Variants in EMP2 observed in about 807,000 individuals in gnomAD.
The protein encoded by EMP2 is epithelial membrane protein 2.
EMP2 carries 19 observed loss-of-function variants against 13.7 expected under a neutral mutation model. The observed-to-expected ratio is 1.38, with a 90% CI of 0.97 to 2.03. EMP2 has a LOEUF of 2.03. EMP2 is among the 30% of genes most tolerant of loss of function. EMP2 has a pLI of 0.00. For synonymous variants in EMP2, 97 were observed against 84.7 expected (o/e 1.15, Z -0.80); for missense variants, 253 against 220.7 (o/e 1.15, Z -0.93).
At chr16:10,550,350 A>C (rs1020172761) in intron 1 of EMP2, among the ~76,000 whole-genome samples, 1 of 152,214 alleles carries the variant, frequency 6.6e-6, no homozygotes, top group African/African-American at 2.4e-5. Context: ...CCAAGCTGAT[A>C]CACTGCATTT....
intron 1 of EMP2, among the ~76,000 whole-genome samples, chr16:10,554,411 T>G (rs1449198074): frequency 1.3e-5 from 2 of 152,118 alleles, no homozygotes; most frequent in Non-Finnish European, 2.9e-5. Flanking sequence ...CTGACATAAG[T>G]TGCCCCCAAG....
intron 1 of EMP2, among the ~76,000 whole-genome samples, chr16:10,564,442 G>A (rs2050893394): frequency 7.1e-6 from 1 of 141,116 alleles, no homozygotes; most frequent in South Asian, 2.3e-4. Context: ...AGTGAGCTGA[G>A]ATTGCGCCAC....
In EMP2 at chr16:10,532,185, T is replaced by TG. The variant is rs1203705520; in HGVS notation, c.*719_*720insC. 7.5e-6 allele frequency: 1 copy of TG among 133,030 alleles called. No homozygotes were observed. Among genetic ancestry groups the TG allele is most frequent in the Non-Finnish European group, 1.6e-5 (1 of 62,390 alleles). 8.2% of individuals were successfully genotyped at this position (133,030 alleles called of 1,614,324 possible). On this transcript the variant is annotated 3_prime_UTR_variant, in exon 5 of 5. Transcript: ENST00000359543. ...GGCCCCATCCCTTGAAGACTCTGATTCTGTAGGTCTGGGGTGAGGGGGGGG... is the reference window on the plus strand; with the variant it reads ...GGCCCCATCCCTTGAAGACTCTGATTGCTGTAGGTCTGGGGTGAGGGGGGGG...
In EMP2 at chr16:10,543,027, G is replaced by C. The variant is rs141631915; in HGVS notation, c.169+543C>G. ...CGCCCAGCTAATTTTTGTATTTTTA[G>C]TAGAGATGGGGTTTCGCCATATTGA... On this transcript the variant is annotated intron_variant, in intron 3 of 4. Transcript: ENST00000359543. Among the ~76,000 whole-genome samples, 190 of 152,284 alleles carry C rather than the reference G, an allele frequency of 1.2e-3. 1 individual carries two copies. The highest frequency in any genetic ancestry group is 4.3e-3 in the African/African-American group (179 of 41,558).
rs2050581751 is a variant in EMP2, at chr16:10,529,632, A to AC, written c.*3272dup. The AC allele has an allele frequency of 6.6e-6, 1 of 152,164 alleles. No individual in the cohort carries two copies. The highest frequency in any genetic ancestry group is 2.4e-5 in the African/African-American group (1 of 41,426). 9.4% of individuals were successfully genotyped at this position (152,164 alleles called of 1,614,324 possible). A position where few individuals can be genotyped will look rare whatever the true frequency, so the allele number is the denominator to read the frequency against. ...TGTTTTGTTTGTTTCCATCGTGACT[A>AC]CCAGAAAATTATAGAAGGCCAGACG... On this transcript the variant is annotated 3_prime_UTR_variant, in exon 5 of 5. Transcript: ENST00000359543.
At chr16:10,560,367 G>A (rs552528100) in intron 1 of EMP2, among the ~76,000 whole-genome samples, 2 of 152,212 alleles carry the variant, frequency 1.3e-5, no homozygotes, top group Non-Finnish European at 2.9e-5. Context: ...TGTCAGTGAG[G>A]GGACAGTCCT....
At chr16:10,561,913 G>C (rs962407374) in intron 1 of EMP2, among the ~76,000 whole-genome samples, 6 of 152,154 alleles carry the variant, frequency 3.9e-5, no homozygotes, top group African/African-American at 9.7e-5. Context: ...GAAAAAAAAG[G>C]GTTTATCCAG....
In EMP2 at chr16:10,576,017, G is replaced by C. The variant is rs142788362; in HGVS notation, c.-61+4532C>G. ...CATCTCCCCAAAAGCAGGCACTCTA[G>C]TACTCAGATTTTTGCCAAAAGCAAG... On this transcript the variant is annotated intron_variant, in intron 1 of 4. Transcript: ENST00000359543. Among the ~76,000 whole-genome samples the C allele has an allele frequency of 5.6e-3, 857 of 152,156 alleles. 8 individuals are homozygous for C. The highest frequency in any genetic ancestry group is 6.4e-3 in the Non-Finnish European group (436 of 67,996).
chr16:10,549,353 G>A (rs2050764417), intron 1 of EMP2, among the ~76,000 whole-genome samples: 1 of 152,162 alleles, frequency 6.6e-6, no homozygotes, highest in Admixed American at 6.5e-5. Flanking sequence ...TGTCTGAGCT[G>A]GAGAAGTTCC....
intron 1 of EMP2, among the ~76,000 whole-genome samples, chr16:10,564,152 T>C (rs1229403623): frequency 2.0e-5 from 3 of 152,182 alleles, no homozygotes; most frequent in Non-Finnish European, 4.4e-5. Flanking sequence ...ATCAGGCAGT[T>C]GCCATGGAAA....
intron 1 of EMP2, among the ~76,000 whole-genome samples, chr16:10,574,051 C>T (rs890517404): frequency 2.0e-5 from 3 of 146,630 alleles, no homozygotes; most frequent in Non-Finnish European, 4.5e-5. Context: ...GATTCTTGTG[C>T]CTCAGCCTCC....
intron 1 of EMP2, among the ~76,000 whole-genome samples, chr16:10,570,053 G>C (rs143387142): frequency 1.7e-3 from 253 of 151,550 alleles, no homozygotes; most frequent in African/African-American, 5.8e-3. Context: ...TGAGACACTG[G>C]GGATACATCG....
rs540943212 is a variant in EMP2, at chr16:10,580,413, C to G, written c.-61+136G>C. On this transcript the variant is annotated intron_variant, in intron 1 of 4. Transcript: ENST00000359543. The surrounding 1 kb of genome is among the most constrained non-coding windows in gnomAD (Gnocchi z 4.3). ...CGGCGGCATGGGTGGCACCTCGGCC[C>G]TCCCGTTACTGTCACCAATTCCGGG... 5 of 152,420 alleles carry G rather than the reference C, an allele frequency of 3.3e-5. No individual in the cohort carries two copies. Among genetic ancestry groups the G allele is most frequent in the African/African-American group, 1.2e-4 (5 of 41,592 alleles). 9.4% of individuals were successfully genotyped at this position (152,420 alleles called of 1,614,324 possible).
chr16:10,575,737 A>T (rs934791356), intron 1 of EMP2, among the ~76,000 whole-genome samples: 6 of 152,104 alleles, frequency 3.9e-5, no homozygotes, highest in African/African-American at 7.2e-5. Flanking sequence ...CAAACAAATC[A>T]AGCCACTTCC....
intron 1 of EMP2, among the ~76,000 whole-genome samples, chr16:10,570,714 A>AT (rs1227592446): frequency 2.0e-5 from 3 of 150,826 alleles, no homozygotes; most frequent in Admixed American, 6.6e-5. Flanking sequence ...TTTTTATTTT[A>AT]TTTTTTTGTA....
chr16:10,578,616 G>C (rs1431942225), intron 1 of EMP2, among the ~76,000 whole-genome samples: 1 of 152,174 alleles, frequency 6.6e-6, no homozygotes, highest in Non-Finnish European at 1.5e-5. Context: ...CTTCCGCCTG[G>C]CCCTGCCCTC....
intron 1 of EMP2, among the ~76,000 whole-genome samples, chr16:10,575,237 C>CATTTTTTT (rs2050975115): frequency 1.9e-5 from 1 of 52,500 alleles, no homozygotes; most frequent in Non-Finnish European, 3.6e-5. Flanking sequence ...AGCTTGCATT[C>CATTTTTTT]TTTTTTTTTT....
rs868630252 is a variant in EMP2, at chr16:10,577,838, G to A, written c.-61+2711C>T. ...TAAGTAACGTCACCGCCTCCCCTCT[G>A]GAACTCCCGTGGCTGGAGAGCCCTG... On this transcript the variant is annotated intron_variant, in intron 1 of 4. Transcript: ENST00000359543. Among the ~76,000 whole-genome samples the A allele has an allele frequency of 8.6e-5, 13 of 151,734 alleles. 1 individual carries two copies. Among genetic ancestry groups the A allele is most frequent in the African/African-American group, 3.1e-4 (13 of 41,354 alleles).
intron 1 of EMP2, among the ~76,000 whole-genome samples, chr16:10,568,927 CA>C: frequency 6.6e-6 from 1 of 151,754 alleles, no homozygotes; most frequent in East Asian, 1.9e-4. Flanking sequence ...GCTGGGATTA[CA>C]TGCGCCTGCC....
Sources: allele counts gnomAD v4.1 joint callset (sites outside exome capture counted in the v4.1 genomes callset), GRCh38; gene constraint gnomAD v4.1.1; non-coding constraint Gnocchi (gnomAD v3.1); transcripts MANE v1.5; gene names NCBI Gene and HGNC (gene_info 2026-07-23, HGNC 2026-07-21).